UTRN: variants seen among roughly 807,000 people sequenced by gnomAD.
UTRN encodes the protein utrophin, also known as dystrophin-related protein 1.
In UTRN, 283 loss-of-function variants were observed where a neutral mutation model predicts 463.9. The observed-to-expected ratio is 0.61, with a 90% CI of 0.55 to 0.67. The LOEUF (loss-of-function observed/expected upper bound fraction) is 0.67, where lower values mean the gene tolerates loss of function less well. Among genes scored for constraint, UTRN ranks in the 30% least tolerant of loss-of-function variants. UTRN has a pLI of 0.00. For missense variants in UTRN, 3,922 were observed against 4,084.3 expected (o/e 0.96, Z 1.08); for synonymous variants, 1,442 against 1,431.5 (o/e 1.01, Z -0.17).
intron 52 of UTRN, among the ~76,000 whole-genome samples, chr6:144,692,010 A>G (rs925424298): frequency 2.6e-5 from 4 of 151,958 alleles, no homozygotes; most frequent in Non-Finnish European, 5.9e-5. Flanking sequence ...CTAGTACCCT[A>G]TAGTTATTTT....
chr6:144,664,784 C>T (rs1780219085), intron 51 of UTRN, among the ~76,000 whole-genome samples: 1 of 151,340 alleles, frequency 6.6e-6, no homozygotes, highest in African/African-American at 2.4e-5. Context: ...AATTACTATC[C>T]CAGAAACCTC....
chr6:144,760,860 A>G (rs1199934023), intron 58 of UTRN, among the ~76,000 whole-genome samples: 1 of 152,214 alleles, frequency 6.6e-6, no homozygotes, highest in African/African-American at 2.4e-5. Flanking sequence ...GTGTTTAAGT[A>G]TATCATCTTT....
intron 2 of UTRN, among the ~76,000 whole-genome samples, chr6:144,315,963 C>G (rs1775261020): frequency 6.6e-6 from 1 of 152,166 alleles, no homozygotes; most frequent in Non-Finnish European, 1.5e-5. Flanking sequence ...CCTGTACACT[C>G]CCTCTTTCAA....
At chr6:144,337,888 T>G (rs1776858157) in intron 2 of UTRN, among the ~76,000 whole-genome samples, 1 of 152,238 alleles carries the variant, frequency 6.6e-6, no homozygotes, top group Admixed American at 6.5e-5. Context: ...GTGCTGGGAT[T>G]ATAGGCATGA....
At chr6:144,297,869 G>A (rs1326749233) in intron 2 of UTRN, among the ~76,000 whole-genome samples, 2 of 152,184 alleles carry the variant, frequency 1.3e-5, no homozygotes, top group African/African-American at 4.8e-5. Context: ...ACTGGAAAAC[G>A]TGAATTGCTG....
chr6:144,793,818 T>C lies in UTRN; in HGVS notation c.8921-16T>C. The C allele has an allele frequency of 1.9e-6, 3 of 1,611,976 alleles. No individual in the cohort carries two copies. The highest frequency in any genetic ancestry group is 2.2e-5 in the South Asian group (2 of 90,690). On this transcript the variant is annotated splice_polypyrimidine_tract_variant and intron_variant, in intron 62 of 74. Transcript: ENST00000367545. ...TGGTAGACAGATGAAAGTTAACCTC[T>C]TGCCTCTCTTTGCAGATCTCTTTAA...
At chr6:144,310,044 C>T (rs1190424897) in intron 2 of UTRN, among the ~76,000 whole-genome samples, 1 of 152,208 alleles carries the variant, frequency 6.6e-6, no homozygotes, top group Non-Finnish European at 1.5e-5. Context: ...TTTCCCATAG[C>T]ACTTACTGGA....
intron 51 of UTRN, among the ~76,000 whole-genome samples, chr6:144,664,556 G>A (rs1003328755): frequency 6.7e-5 from 10 of 149,252 alleles, no homozygotes; most frequent in African/African-American, 2.2e-4. Context: ...CACCCACCTC[G>A]AGTCTTACCT....
At chr6:144,586,725 C>T (rs1002134444) in intron 51 of UTRN, among the ~76,000 whole-genome samples, 2 of 151,826 alleles carry the variant, frequency 1.3e-5, no homozygotes, top group South Asian at 2.1e-4. Flanking sequence ...AAATATTTAG[C>T]AATTGAGGGC....
In UTRN at chr6:144,408,341, G is replaced by T. The variant is rs538731614; in HGVS notation, c.141+5157G>T. 4.6e-5 allele frequency among the ~76,000 whole-genome samples: 7 copies of T among 152,298 alleles called. No homozygotes were observed. The South Asian group carries it at 1.2e-3, about 27-fold the overall frequency. The stretch of plus-strand genomic sequence containing the variant: ...CGGTCTCCCAAGGGAGGCAGCAAAG[G>T]CCTCATTGCTTTGCTTTGGGAAATT... On this transcript the variant is annotated intron_variant, in intron 3 of 74. Transcript: ENST00000367545.
chr6:144,384,279 C>T (rs1190525276), intron 2 of UTRN, among the ~76,000 whole-genome samples: 3 of 152,044 alleles, frequency 2.0e-5, no homozygotes, highest in Admixed American at 6.6e-5. Flanking sequence ...AGGGGGTGAG[C>T]GGTGGGTAAT....
chr6:144,654,771 T>C (rs78567611), intron 51 of UTRN, among the ~76,000 whole-genome samples: 2,708 of 152,340 alleles, frequency 0.018, 42 homozygotes, highest in Middle Eastern at 0.027. Context: ...AGCATTAACT[T>C]GTCTTGGCAT....
chr6:144,484,395 A>G (rs1792203215), intron 27 of UTRN, among the ~76,000 whole-genome samples: 1 of 140,264 alleles, frequency 7.1e-6, no homozygotes, highest in South Asian at 2.2e-4. Flanking sequence ...AAAATTTACA[A>G]TTGGGAGCAA....
rs1324522345 is a variant in UTRN, at chr6:144,840,791, A to G, written c.10229A>G (p.Glu3410Gly). 2 of 1,614,060 alleles carry G rather than the reference A, an allele frequency of 1.2e-6. No individual in the cohort carries two copies. Among genetic ancestry groups the G allele is most frequent in the Non-Finnish European group, 1.7e-6 (2 of 1,179,982 alleles). ...CACGACACCAGCACGGATCTCACGG[A>G]GGTCATGGAGCAGATTCACAGCACG... ...PPHDTSTDLT[E>G]VMEQIHSTFP... is the part of the protein sequence containing the mutation. The change falls in exon 73 of 75, where the codon GAG becomes GGG. Residue 3410 changes from glutamate (E) to glycine (G), a missense_variant. Physicochemically the swap from Glu to Gly is moderately conservative, Grantham distance 98. Coordinates refer to ENST00000367545, the MANE Select transcript of UTRN (RefSeq NM_007124.3).
intron 53 of UTRN, among the ~76,000 whole-genome samples, chr6:144,711,995 A>C (rs1174071557): frequency 6.6e-6 from 1 of 152,166 alleles, no homozygotes; most frequent in African/African-American, 2.4e-5. Flanking sequence ...GTGCACACGT[A>C]GGTGTGGTAG....
At chr6:144,469,018 C>T (rs1790233198) in intron 23 of UTRN, among the ~76,000 whole-genome samples, 1 of 152,156 alleles carries the variant, frequency 6.6e-6, no homozygotes, top group South Asian at 2.1e-4. Flanking sequence ...GGTGGAAACG[C>T]CGAGTGAATC....
At chr6:144,561,205 T>TTATATATATATA (rs1162903466) in intron 50 of UTRN, among the ~76,000 whole-genome samples, 1 of 60,214 alleles carries the variant, frequency 1.7e-5, no homozygotes, top group Non-Finnish European at 3.5e-5. Context: ...AAAAATAACA[T>TTATATATATATA]TATATATATA....
rs1280681316 is a variant in UTRN, at chr6:144,533,275, A to T, written c.6233+15A>T. ...AGGCAGCCAAGGTGATTTAGCTATGATTGTTTGCAGGCACAGGAGTGAACA... is the reference window on the plus strand; with the variant it reads ...AGGCAGCCAAGGTGATTTAGCTATGTTTGTTTGCAGGCACAGGAGTGAACA... On this transcript the variant is annotated intron_variant, in intron 43 of 74. Coordinates refer to ENST00000367545, the MANE Select transcript of UTRN (RefSeq NM_007124.3). 6.2e-7 allele frequency: 1 copy of T among 1,613,332 alleles called. No individual in the cohort carries two copies. Among genetic ancestry groups the T allele is most frequent in the South Asian group, 1.1e-5 (1 of 90,994 alleles).
intron 74 of UTRN, among the ~76,000 whole-genome samples, chr6:144,848,223 G>A (rs1032166301): frequency 6.6e-6 from 1 of 152,132 alleles, no homozygotes; most frequent in Non-Finnish European, 1.5e-5. Context: ...AGAGCAGATG[G>A]CCTGGGAAAT....
Sources: gnomAD v4.1 joint callset for allele counts (sites outside exome capture counted in the v4.1 genomes callset) on GRCh38, gnomAD v4.1.1 for gene constraint, MANE v1.5 for transcripts, NCBI Gene and HGNC (gene_info 2026-07-23, HGNC 2026-07-21) for gene names.